Variants in TPH1 observed in about 807,000 individuals in gnomAD.
TPH1 encodes tryptophan hydroxylase 1.
TPH1 carries 37 observed loss-of-function variants against 49.5 expected under a neutral mutation model. The observed-to-expected ratio is 0.75, with a 90% CI of 0.58 to 0.98. The LOEUF (loss-of-function observed/expected upper bound fraction) is 0.98, where lower values mean the gene tolerates loss of function less well. Ranked by LOEUF, TPH1 falls within the 50% of genes least tolerant of loss-of-function variation. The pLI, the probability that TPH1 is intolerant of heterozygous loss-of-function variation, is 0.00. For missense variants in TPH1, 487 were observed against 523.6 expected (o/e 0.93, Z 0.68); for synonymous variants, 160 against 182.1 (o/e 0.88, Z 0.98).
At chr11:18,025,325 T>C (rs920128661) in intron 8 of TPH1, among the ~76,000 whole-genome samples, 1 of 152,174 alleles carries the variant, frequency 6.6e-6, no homozygotes, top group African/African-American at 2.4e-5. Flanking sequence ...AAAACAAATT[T>C]TCTTTTCCTT....
intron 6 of TPH1, among the ~76,000 whole-genome samples, chr11:18,027,470 G>A (rs1382940299): frequency 6.6e-6 from 1 of 152,162 alleles, no homozygotes; most frequent in African/African-American, 2.4e-5. Context: ...CCAAACTCTT[G>A]ATTTACATTT....
At chr11:18,023,127 A>AC (rs1159955977) in intron 9 of TPH1, 196 bp from the exon 10 acceptor site, 47 of 568,258 alleles carry the variant, frequency 8.3e-5, no homozygotes, top group Admixed American at 2.8e-5. Flanking sequence ...CCCTGTAAAT[A>AC]CCCCCAAGAT....
chr11:18,034,769 T>C (rs1848027782), intron 3 of TPH1, among the ~76,000 whole-genome samples: 1 of 152,174 alleles, frequency 6.6e-6, no homozygotes, highest in South Asian at 2.1e-4. Flanking sequence ...TCGAGTGAAC[T>C]CCAAGGATTT....
chr11:18,026,673 C>T (rs777359369), intron 6 of TPH1, 48 bp from the exon 7 acceptor site: 2 of 1,612,068 alleles, frequency 1.2e-6, no homozygotes, highest in Admixed American at 3.3e-5. Flanking sequence ...AGAATAGACC[C>T]CTGACTGCAG....
chr11:18,035,077 G>A (rs1351494237), intron 3 of TPH1, among the ~76,000 whole-genome samples: 3 of 152,238 alleles, frequency 2.0e-5, no homozygotes, highest in African/African-American at 4.8e-5. Context: ...GGTAAGGATC[G>A]CCGGGCCTGC....
intron 3 of TPH1, among the ~76,000 whole-genome samples, chr11:18,035,060 C>T (rs868029644): frequency 1.3e-5 from 2 of 152,256 alleles, no homozygotes; most frequent in African/African-American, 4.8e-5. Context: ...CTAGACGGAG[C>T]TCAGGCGGTA....
chr11:18,028,773 A>G (rs1346157693), intron 6 of TPH1, among the ~76,000 whole-genome samples: 6 of 152,170 alleles, frequency 3.9e-5, no homozygotes, highest in Non-Finnish European at 1.5e-5. Context: ...CCTATTAAAA[A>G]TGCTGTCATT....
Position 18,018,771 on chromosome 11 carries a change from T to C in TPH1, c.*2220A>G, listed in dbSNP as rs1854324311. On this transcript the variant is annotated 3_prime_UTR_variant, in exon 11 of 11. Coordinates refer to ENST00000682019, the MANE Select transcript of TPH1 (RefSeq NM_004179.3). ...CTTTAACATTTATTCTCATGTGCTT[T>C]AGTCATAGAGTGATTTTAAACATCA... 6.6e-6 allele frequency: 1 copy of C among 151,384 alleles called. No individual in the cohort carries two copies. The highest frequency in any genetic ancestry group is 1.5e-5 in the Non-Finnish European group (1 of 67,890). 9.4% of individuals were successfully genotyped at this position (151,384 alleles called of 1,614,324 possible).
rs1464266622 is a variant in TPH1 at position 18,025,683 on chromosome 11, G to C, written c.822C>G (p.Leu274=). ...CAGCCAAAAGCGGGACATGACCTAAGAGTTCATGGCAGGTATCTCTGAAAG... is the reference window on the plus strand; with the variant it reads ...CAGCCAAAAGCGGGACATGACCTAACAGTTCATGGCAGGTATCTCTGAAAG... ...YTPEPDTCHE[L]LGHVPLLAEP... The change falls in exon 8 of 11, where the codon CTC becomes CTG. Residue 274 remains leucine (L), a synonymous_variant. Transcript: ENST00000682019. The C allele has an allele frequency of 1.9e-5, 31 of 1,613,840 alleles. No individual in the cohort carries two copies. Among genetic ancestry groups the C allele is most frequent in the Non-Finnish European group, 2.6e-5 (31 of 1,179,870 alleles).
chr11:18,022,339 ACT>A (rs1854372865), intron 10 of TPH1, among the ~76,000 whole-genome samples: 5 of 152,000 alleles, frequency 3.3e-5, no homozygotes, highest in Admixed American at 3.3e-4. Flanking sequence ...TTTCATGCTA[ACT>A]CTCAGTCTAA....
intron 6 of TPH1, 84 bp downstream of exon 6, chr11:18,029,081 C>CAAA (rs368358256): frequency 0.053 from 27,679 of 517,874 alleles, 59 homozygotes; most frequent in East Asian, 0.08. Context: ...GACTCTGTCT[C>CAAA]AAAAAAAAAA....
chr11:18,030,661 C>G (rs1445651603), intron 4 of TPH1, among the ~76,000 whole-genome samples: 2 of 152,102 alleles, frequency 1.3e-5, no homozygotes, highest in Non-Finnish European at 1.5e-5. Context: ...AATGTCTCAT[C>G]ATATTGTACA....
chr11:18,033,246 T>C, intron 4 of TPH1, 28 bp downstream of exon 4: 1 of 1,560,656 alleles, frequency 6.4e-7, no homozygotes, highest in Non-Finnish European at 8.8e-7. Context: ...GAGCAAGACT[T>C]GCTCTTAAAA....
chr11:18,019,409 T>C lies in TPH1; in HGVS notation c.*1582A>G, dbSNP rs1441253353. 1 of 236,544 alleles carries C rather than the reference T, an allele frequency of 4.2e-6. No individual in the cohort carries two copies. The highest frequency in any genetic ancestry group is 8.4e-6 in the Non-Finnish European group (1 of 119,030). 14.7% of individuals were successfully genotyped at this position (236,544 alleles called of 1,614,324 possible). A position where few individuals can be genotyped will look rare whatever the true frequency, so the allele number is the denominator to read the frequency against. On this transcript the variant is annotated 3_prime_UTR_variant, in exon 11 of 11. Transcript: ENST00000682019. Reference sequence around the variant, plus strand: ...AAGCTGATGGACTGTGATATTCAAGTGATTCTGAGTTCCTTTATAGACCTG... The same window carrying C: ...AAGCTGATGGACTGTGATATTCAAGCGATTCTGAGTTCCTTTATAGACCTG...
intron 4 of TPH1, among the ~76,000 whole-genome samples, chr11:18,030,245 C>CAA (rs3216310): frequency 6.6e-6 from 1 of 151,288 alleles, no homozygotes; most frequent in Non-Finnish European, 1.5e-5. Context: ...CCTGTCTGTA[C>CAA]AAAAAAAATT....
intron 10 of TPH1, 139 bp downstream of exon 10, chr11:18,022,659 T>C: frequency 1.2e-6 from 1 of 858,182 alleles, no homozygotes; most frequent in South Asian, 1.5e-5. Context: ...AGATACTTGT[T>C]ATGAAAGGAA....
At chr11:18,040,928 G>A in intron 1 of TPH1, 140 bp from the exon 2 acceptor site, 2 of 778,444 alleles carry the variant, frequency 2.6e-6, no homozygotes, top group Non-Finnish European at 3.9e-6. Flanking sequence ...GATAAGCTTT[G>A]CAAGAATCTA....
At chr11:18,026,706 C>T in intron 6 of TPH1, 81 bp from the exon 7 acceptor site, 1 of 1,532,332 alleles carries the variant, frequency 6.5e-7, no homozygotes, top group South Asian at 1.1e-5. Context: ...GCTAGTGGCA[C>T]CAAGTAACAC....
Position 18,018,040 on chromosome 11 carries a change from A to G in TPH1, c.*2951T>C, listed in dbSNP as rs929061492. ...TCAGAAGTTCGAGACCAGCCTGGCC[A>G]ACATGGCGAAACCCCATCTCTACTA... On this transcript the variant is annotated 3_prime_UTR_variant, in exon 11 of 11. Transcript: ENST00000682019. The G allele has an allele frequency of 6.6e-6, 1 of 151,862 alleles. No individual in the cohort carries two copies. The highest frequency in any genetic ancestry group is 1.5e-5 in the Non-Finnish European group (1 of 67,964). 9.4% of individuals were successfully genotyped at this position (151,862 alleles called of 1,614,324 possible). A position where few individuals can be genotyped will look rare whatever the true frequency, so the allele number is the denominator to read the frequency against.
Sources: gnomAD v4.1 joint callset for allele counts (sites outside exome capture counted in the v4.1 genomes callset) on GRCh38, gnomAD v4.1.1 for gene constraint, MANE v1.5 for transcripts, NCBI Gene and HGNC (gene_info 2026-07-23, HGNC 2026-07-21) for gene names.